FAM135A: variants seen among roughly 807,000 people sequenced by gnomAD.
FAM135A encodes the protein protein FAM135A.
FAM135A carries 79 observed loss-of-function variants against 146.8 expected under a neutral mutation model. The ratio of observed to expected loss-of-function variants is 0.54; its 90% CI spans 0.45 to 0.65. FAM135A has a LOEUF of 0.65. FAM135A is among the 30% of genes least tolerant of loss of function. The pLI is 0.00. For synonymous variants in FAM135A, 562 were observed against 603.6 expected (o/e 0.93, Z 1.01); for missense variants, 1,623 against 1,758.2 (o/e 0.92, Z 1.38).
intron 3 of FAM135A, among the ~76,000 whole-genome samples, chr6:70,427,518 C>T (rs539662120): frequency 9.8e-5 from 14 of 142,936 alleles, no homozygotes; most frequent in Non-Finnish European, 1.8e-4. Context: ...GGTGACAGAG[C>T]GAGACTCTGT....
intron 4 of FAM135A, 142 bp downstream of exon 4, chr6:70,428,561 T>C (rs1055248637): frequency 1.6e-5 from 8 of 491,996 alleles, no homozygotes; most frequent in African/African-American, 1.6e-4. Context: ...ATAAATTTTA[T>C]TTATTAAATA....
At chr6:70,512,433 A>G (rs1041834892) in intron 12 of FAM135A, among the ~76,000 whole-genome samples, 8 of 151,836 alleles carry the variant, frequency 5.3e-5, no homozygotes, top group African/African-American at 1.9e-4. Context: ...TTAATAAAAA[A>G]TCATTTTTTT....
intron 4 of FAM135A, among the ~76,000 whole-genome samples, chr6:70,432,888 A>G (rs1243163415): frequency 6.6e-6 from 1 of 152,008 alleles, no homozygotes; most frequent in Non-Finnish European, 1.5e-5. Context: ...TAATAAGAAA[A>G]ATAATTTTTC....
intron 18 of FAM135A, among the ~76,000 whole-genome samples, chr6:70,534,312 C>CTTTTTTTTTTTTTTTTTTTTT (rs1179072858): frequency 4.5e-5 from 4 of 89,804 alleles, no homozygotes; most frequent in East Asian, 2.9e-4. Context: ...AGTTTGTATA[C>CTTTTTTTTTTTTTTTTTTTTT]TTTTTTTTTT....
intron 20 of FAM135A, among the ~76,000 whole-genome samples, chr6:70,542,518 T>A (rs1337667514): frequency 6.6e-6 from 1 of 152,188 alleles, no homozygotes; most frequent in Non-Finnish European, 1.5e-5. Context: ...TCCTCTACTC[T>A]CAGAATACTC....
intron 4 of FAM135A, among the ~76,000 whole-genome samples, chr6:70,434,822 A>G (rs1419353599): frequency 6.6e-6 from 1 of 152,156 alleles, no homozygotes; most frequent in Non-Finnish European, 1.5e-5. Context: ...CCAGCATGCT[A>G]CTACTAATAA....
chr6:70,526,907 A>G (rs1794866399), intron 15 of FAM135A, among the ~76,000 whole-genome samples: 1 of 151,916 alleles, frequency 6.6e-6, no homozygotes, highest in Non-Finnish European at 1.5e-5. Context: ...CGAAATGGAG[A>G]AATGAACATA....
chr6:70,431,366 G>A lies in FAM135A; in HGVS notation c.77+2947G>A, dbSNP rs370801219. On this transcript the variant is annotated intron_variant, in intron 4 of 21. Coordinates refer to ENST00000418814, the MANE Select transcript of FAM135A (RefSeq NM_001162529.3). ...TGCACAGTCAGATGGCAGATTGGCC[G>A]GGCACTAGCTGGATGCAGAGTGGCC... Among the ~76,000 whole-genome samples the A allele has an allele frequency of 3.6e-4, 55 of 152,276 alleles. 1 individual carries two copies. In the South Asian group the frequency reaches 7.7e-3, roughly 21 times the overall value.
intron 12 of FAM135A, chr6:70,504,227 G>T (rs1010500186): frequency 2.0e-5 from 3 of 152,198 alleles, no homozygotes; most frequent in African/African-American, 7.2e-5. Context: ...TACCCATGCA[G>T]TTGAGCACTG....
chr6:70,494,177 G>A (rs1434385524), intron 11 of FAM135A, among the ~76,000 whole-genome samples: 6 of 150,970 alleles, frequency 4.0e-5, no homozygotes, highest in Admixed American at 4.0e-4. Flanking sequence ...TTTGCTTTAT[G>A]TATATAATTG....
chr6:70,526,802 CATAT>C (rs70990314), intron 15 of FAM135A, 104 bp downstream of exon 15: 1 of 527,862 alleles, frequency 1.9e-6, no homozygotes, highest in Non-Finnish European at 2.9e-6. Context: ...CACACACACA[CATAT>C]ATATATAAAA....
In FAM135A at chr6:70,528,469, G is replaced by A; in HGVS notation, c.3775+17G>A. The A allele has an allele frequency of 6.4e-7, 1 of 1,552,706 alleles. No individual in the cohort carries two copies. The highest frequency in any genetic ancestry group is 8.7e-7 in the Non-Finnish European group (1 of 1,152,734). On this transcript the variant is annotated intron_variant, in intron 16 of 21. Transcript: ENST00000418814. ...GTTTAGATGGTATGTGACATCTATG[G>A]ATGTAACCCAGAGCAACTCAATATA...
chr6:70,552,151 G>C (rs1799932673), intron 20 of FAM135A, among the ~76,000 whole-genome samples: 2 of 152,074 alleles, frequency 1.3e-5, no homozygotes, highest in Admixed American at 1.3e-4. Flanking sequence ...CAATCTTCTG[G>C]AGTTGTAAAC....
intron 20 of FAM135A, among the ~76,000 whole-genome samples, chr6:70,547,197 CTT>C (rs1162303053): frequency 1.3e-5 from 2 of 152,034 alleles, no homozygotes; most frequent in African/African-American, 2.4e-5. Flanking sequence ...ACAAAGGACT[CTT>C]TGTATCCAGG....
At chr6:70,554,931 A>G (rs1249305079) in intron 20 of FAM135A, among the ~76,000 whole-genome samples, 3 of 152,104 alleles carry the variant, frequency 2.0e-5, no homozygotes, top group African/African-American at 7.2e-5. Context: ...GCCATTAATT[A>G]TATTTTCATA....
intron 12 of FAM135A, among the ~76,000 whole-genome samples, chr6:70,507,682 C>T (rs1435314092): frequency 6.6e-6 from 1 of 152,080 alleles, no homozygotes; most frequent in Non-Finnish European, 1.5e-5. Context: ...GGCATCCAAA[C>T]TTGTTGAGCT....
chr6:70,526,467 CA>C lies in FAM135A; in HGVS notation c.3387del (p.Lys1129AsnfsTer5). On this transcript the variant is annotated frameshift_variant, in exon 15 of 22. Coordinates refer to ENST00000418814, the MANE Select transcript of FAM135A (RefSeq NM_001162529.3). LOFTEE classifies it high-confidence loss of function. ...GATGAACTAATGGAAGAAAGACTTA[CA>C]AAATCTGAAAAAATAAACAGTGACT... ...SRDELMEERL[T>X]KSEKINSDYL... 6.2e-7 allele frequency: 1 copy of C among 1,613,160 alleles called. No individual in the cohort carries two copies. Among genetic ancestry groups the C allele is most frequent in the Non-Finnish European group, 8.5e-7 (1 of 1,179,556 alleles).
chr6:70,506,562 AACG>A (rs1789807160), intron 12 of FAM135A, among the ~76,000 whole-genome samples: 1 of 152,110 alleles, frequency 6.6e-6, no homozygotes, highest in African/African-American at 2.4e-5. Context: ...GTAGTTTGCC[AACG>A]CCTACATTAT....
chr6:70,506,738 C>CTTTTTTTTTTTTTATTTTTTTTTTTTTT (rs1789859386), intron 12 of FAM135A, among the ~76,000 whole-genome samples: 1 of 133,076 alleles, frequency 7.5e-6, no homozygotes, highest in African/African-American at 2.8e-5. Flanking sequence ...TTTGTTTTTT[C>CTTTTTTTTTTTTTATTTTTTTTTTTTTT]TTTTTTTTTT....
Sources: allele counts gnomAD v4.1 joint callset (sites outside exome capture counted in the v4.1 genomes callset), GRCh38; gene constraint gnomAD v4.1.1; transcripts MANE v1.5; gene names NCBI Gene and HGNC (gene_info 2026-07-23, HGNC 2026-07-21).